LYPD6B: variants seen among roughly 807,000 people sequenced by gnomAD.
LYPD6B encodes LY6/PLAUR domain containing 6B.
Under a neutral mutation model 22.8 loss-of-function variants are expected in LYPD6B, and 17 were observed. That is an observed-to-expected ratio of 0.75 (90% CI 0.51 to 1.12). The LOEUF (loss-of-function observed/expected upper bound fraction) is 1.12, where lower values mean the gene tolerates loss of function less well. Ranked by LOEUF, LYPD6B falls within the 50% of genes most tolerant of loss-of-function variation. The pLI is 0.00. For missense variants in LYPD6B, 221 were observed against 258.3 expected (o/e 0.86, Z 0.99); for synonymous variants, 106 against 91.6 (o/e 1.16, Z -0.90).
intron 1 of LYPD6B, among the ~76,000 whole-genome samples, chr2:149,052,331 A>T (rs1683601030): frequency 6.6e-6 from 1 of 152,220 alleles, no homozygotes; most frequent in Non-Finnish European, 1.5e-5. Flanking sequence ...CTGGGATTAC[A>T]GGTGTGAACC....
At position 149,214,927 on chromosome 2, in the gene LYPD6B, A is replaced by G; in HGVS notation, c.*217A>G. ...TGGCAGGGCCTGAGAAGATGGTCTG[A>G]CTTCCAGGCTTCCTGGTCAAAGAGA... On this transcript the variant is annotated 3_prime_UTR_variant, in exon 7 of 7. Coordinates refer to ENST00000409642, the MANE Select transcript of LYPD6B (RefSeq NM_177964.5). 1 of 562,900 alleles carries G rather than the reference A, an allele frequency of 1.8e-6. No individual in the cohort carries two copies. The highest frequency in any genetic ancestry group is 3.2e-6 in the Non-Finnish European group (1 of 316,116). The allele number at this position is 562,900 out of a possible 1,614,324, so 34.9% of individuals were successfully genotyped here.
intron 1 of LYPD6B, among the ~76,000 whole-genome samples, chr2:149,104,368 A>G (rs1686364870): frequency 6.6e-6 from 1 of 152,196 alleles, no homozygotes; most frequent in Non-Finnish European, 1.5e-5. Context: ...TGAGAGTTCT[A>G]GTTACTCTGC....
chr2:149,069,160 C>T (rs1363350448), intron 1 of LYPD6B, among the ~76,000 whole-genome samples: 2 of 148,566 alleles, frequency 1.3e-5, no homozygotes, highest in African/African-American at 5.0e-5. Flanking sequence ...AGGAATTTGT[C>T]CATTTTGTGG....
At chr2:149,091,330 G>A (rs1331867301) in intron 1 of LYPD6B, among the ~76,000 whole-genome samples, 3 of 150,490 alleles carry the variant, frequency 2.0e-5, no homozygotes, top group East Asian at 1.9e-4. Context: ...AAAAGGTTAT[G>A]TATAAAGATT....
intron 2 of LYPD6B, among the ~76,000 whole-genome samples, chr2:149,146,767 C>T (rs544366561): frequency 7.9e-5 from 12 of 151,862 alleles, no homozygotes; most frequent in Middle Eastern, 3.4e-3. Context: ...AGGAGAATTC[C>T]GATAGTAACA....
intron 3 of LYPD6B, among the ~76,000 whole-genome samples, chr2:149,178,712 A>G (rs1471821317): frequency 6.6e-6 from 1 of 152,204 alleles, no homozygotes; most frequent in South Asian, 2.1e-4. Context: ...TGGCTGTTTT[A>G]TGAGCTCCTG....
At chr2:149,124,622 C>T (rs1215378627) in intron 1 of LYPD6B, among the ~76,000 whole-genome samples, 1 of 152,132 alleles carries the variant, frequency 6.6e-6, no homozygotes, top group Non-Finnish European at 1.5e-5. Flanking sequence ...TGCCACTGCT[C>T]ACTAATCCCT....
At chr2:149,056,850 C>T (rs1172411881) in intron 1 of LYPD6B, among the ~76,000 whole-genome samples, 1 of 152,124 alleles carries the variant, frequency 6.6e-6, no homozygotes, top group Non-Finnish European at 1.5e-5. Flanking sequence ...TGCTTATGAC[C>T]AGGAACTGAC....
intron 1 of LYPD6B, among the ~76,000 whole-genome samples, chr2:149,095,046 A>G (rs1685839899): frequency 6.6e-6 from 1 of 152,230 alleles, no homozygotes; most frequent in African/African-American, 2.4e-5. Flanking sequence ...AATCAATCCC[A>G]GCACTTTGGG....
chr2:149,065,706 C>CTTAT (rs1205744223), intron 1 of LYPD6B, among the ~76,000 whole-genome samples: 5 of 152,000 alleles, frequency 3.3e-5, no homozygotes, highest in African/African-American at 9.7e-5. Context: ...TCCAATACAA[C>CTTAT]TTATTTATTT....
intron 1 of LYPD6B, among the ~76,000 whole-genome samples, chr2:149,066,377 C>A (rs1173381172): frequency 6.7e-6 from 1 of 149,682 alleles, no homozygotes; most frequent in Non-Finnish European, 1.5e-5. Context: ...CTTCCTGTGT[C>A]CATGTGTTGT....
intron 1 of LYPD6B, among the ~76,000 whole-genome samples, chr2:149,044,713 A>G (rs1683233134): frequency 6.6e-6 from 1 of 151,932 alleles, no homozygotes; most frequent in Admixed American, 6.6e-5. Flanking sequence ...TAAATCTTTC[A>G]CTGTTAAGTA....
chr2:149,109,294 G>A (rs1271324636), intron 1 of LYPD6B, among the ~76,000 whole-genome samples: 1 of 152,048 alleles, frequency 6.6e-6, no homozygotes, highest in Non-Finnish European at 1.5e-5. Flanking sequence ...TACACGTTAG[G>A]TTGATAGTTT....
chr2:149,198,248 T>C (rs1692945455), intron 3 of LYPD6B, among the ~76,000 whole-genome samples: 2 of 152,100 alleles, frequency 1.3e-5, no homozygotes, highest in African/African-American at 4.8e-5. Context: ...TTCACCATGT[T>C]GGTCAGGCTG....
intron 3 of LYPD6B, among the ~76,000 whole-genome samples, chr2:149,172,873 T>A (rs1294579898): frequency 6.6e-6 from 1 of 152,014 alleles, no homozygotes; most frequent in Non-Finnish European, 1.5e-5. Flanking sequence ...CTGACTGGAA[T>A]CAACACCATT....
At chr2:149,064,357 T>G (rs1053042301) in intron 1 of LYPD6B, among the ~76,000 whole-genome samples, 5 of 152,212 alleles carry the variant, frequency 3.3e-5, no homozygotes, top group African/African-American at 1.2e-4. Context: ...ATACCGCTTT[T>G]ATCAACAGTT....
chr2:149,045,901 G>A (rs1683284210), intron 1 of LYPD6B, among the ~76,000 whole-genome samples: 1 of 152,100 alleles, frequency 6.6e-6, no homozygotes. Context: ...TATCAATTAG[G>A]TCAAGTTGCT....
chr2:149,111,363 T>C (rs1686751098), intron 1 of LYPD6B, among the ~76,000 whole-genome samples: 1 of 152,172 alleles, frequency 6.6e-6, no homozygotes, highest in Non-Finnish European at 1.5e-5. Context: ...GTTACTATAG[T>C]CTTCCAGGCC....
chr2:149,157,782 C>T (rs375023591), intron 2 of LYPD6B, among the ~76,000 whole-genome samples: 1 of 152,176 alleles, frequency 6.6e-6, no homozygotes, highest in Non-Finnish European at 1.5e-5. Context: ...TATGTTTGCA[C>T]ACGGAAGCCT....
Sources: allele counts gnomAD v4.1 joint callset (sites outside exome capture counted in the v4.1 genomes callset), GRCh38; gene constraint gnomAD v4.1.1; transcripts MANE v1.5; gene names NCBI Gene and HGNC (gene_info 2026-07-23, HGNC 2026-07-21).